ACKR3: variants seen among roughly 807,000 people sequenced by gnomAD.
The protein encoded by ACKR3 is atypical chemokine receptor 3, also known as C-X-C chemokine receptor type 7.
Under a neutral mutation model 22.4 loss-of-function variants are expected in ACKR3, and 6 were observed. That is an observed-to-expected ratio of 0.27 (90% CI 0.15 to 0.53). ACKR3 has a LOEUF of 0.53. Ranked by LOEUF, ACKR3 falls within the 20% of genes least tolerant of loss-of-function variation. ACKR3 has a pLI of 0.96. For synonymous variants in ACKR3, 209 were observed against 205.2 expected (o/e 1.02, Z -0.16); for missense variants, 396 against 475.2 (o/e 0.83, Z 1.55).
At chr2:236,552,406 T>C in the ACKR3 span, among the ~76,000 whole-genome samples, 1 of 138,654 alleles carries the variant, frequency 7.2e-6, no homozygotes, top group East Asian at 2.0e-4. Flanking sequence ...TAAGGGAAAC[T>C]GTCAACAGTC....
the ACKR3 span, among the ~76,000 whole-genome samples, chr2:236,557,253 C>CGTGTGTGT: frequency 0.021 from 2,900 of 139,952 alleles, 91 homozygotes; most frequent in African/African-American, 0.085. Flanking sequence ...TTCATGTGAA[C>CGTGTGTGT]GTATGTGTGT....
At chr2:236,560,193 T>G in the ACKR3 span, among the ~76,000 whole-genome samples, 1 of 152,184 alleles carries the variant, frequency 6.6e-6, no homozygotes, top group African/African-American at 2.4e-5. Flanking sequence ...TATATGGTAG[T>G]TCTATTTTTA....
At chr2:236,575,036 G>T (rs1165202963) in intron 1 of ACKR3, among the ~76,000 whole-genome samples, 2 of 152,098 alleles carry the variant, frequency 1.3e-5, no homozygotes, top group Non-Finnish European at 2.9e-5. Context: ...GAATGAATGA[G>T]ATAAAACAGA....
chr2:236,558,836 GA>G, the ACKR3 span, among the ~76,000 whole-genome samples: 10 of 152,038 alleles, frequency 6.6e-5, no homozygotes, highest in South Asian at 2.1e-4. Flanking sequence ...AAGTGGAAAC[GA>G]AAAAAATATA....
the ACKR3 span, among the ~76,000 whole-genome samples, chr2:236,560,613 T>C: frequency 1.3e-5 from 2 of 152,174 alleles, no homozygotes; most frequent in African/African-American, 4.8e-5. Context: ...TGCACATATT[T>C]CCCCCCATTC....
the ACKR3 span, among the ~76,000 whole-genome samples, chr2:236,554,015 G>A: frequency 1.3e-5 from 2 of 152,166 alleles, no homozygotes; most frequent in South Asian, 4.1e-4. Context: ...AGGTTCATGA[G>A]GACACAGTAC....
At chr2:236,566,086 C>T (rs954766803), upstream of ACKR3, among the ~76,000 whole-genome samples, 21 of 152,342 alleles carry the variant, frequency 1.4e-4, no homozygotes, top group African/African-American at 4.8e-4. Context: ...TACCGGCCGC[C>T]GCTCTGGCCC....
chr2:236,581,908 T>TTGG lies in ACKR3; in HGVS notation c.*357_*359dup, dbSNP rs1389450729. The TTGG allele has an allele frequency of 1.0e-5, 2 of 190,514 alleles. No individual in the cohort carries two copies. Among genetic ancestry groups the TTGG allele is most frequent in the Non-Finnish European group, 2.4e-5 (2 of 82,084 alleles). 11.8% of individuals were successfully genotyped at this position (190,514 alleles called of 1,614,324 possible). A position where few individuals can be genotyped will look rare whatever the true frequency, so the allele number is the denominator to read the frequency against. On this transcript the variant is annotated 3_prime_UTR_variant, in exon 2 of 2. Transcript: ENST00000272928. This position sits in a 1 kb window ranked among gnomAD's most constrained non-coding sequence, Gnocchi z 4.4. Reference sequence around the variant, plus strand: ...ATTTTAAGACTTTATTTTCTCACTATTGGTGTACCTTATAAATGTATTTGA... The same window carrying TTGG: ...ATTTTAAGACTTTATTTTCTCACTATTGGTGGTGTACCTTATAAATGTATTTGA...
At chr2:236,539,760 G>A in the ACKR3 span, among the ~76,000 whole-genome samples, 1 of 152,190 alleles carries the variant, frequency 6.6e-6, no homozygotes, top group Non-Finnish European at 1.5e-5. Flanking sequence ...CTGAGACTGG[G>A]TAATTTATAA....
the ACKR3 span, among the ~76,000 whole-genome samples, chr2:236,555,599 C>T: frequency 1.2e-3 from 178 of 152,190 alleles, 1 homozygote; most frequent in Middle Eastern, 0.01. Flanking sequence ...GAGGATGCAT[C>T]CAAGAGGAGA....
At chr2:236,550,463 A>G in the ACKR3 span, among the ~76,000 whole-genome samples, 3 of 152,192 alleles carry the variant, frequency 2.0e-5, no homozygotes, top group Non-Finnish European at 2.9e-5. The surrounding 1 kb of genome is among the most constrained non-coding windows in gnomAD (Gnocchi z 4.6). Flanking sequence ...ATACATGCTG[A>G]TTGATGGCAG....
chr2:236,573,721 T>A (rs1184040706), intron 1 of ACKR3, among the ~76,000 whole-genome samples: 11 of 152,204 alleles, frequency 7.2e-5, no homozygotes, highest in African/African-American at 2.2e-4. Flanking sequence ...TGCACCCAGC[T>A]ACCAGACCAC....
At chr2:236,551,290 C>T in the ACKR3 span, among the ~76,000 whole-genome samples, 1 of 152,220 alleles carries the variant, frequency 6.6e-6, no homozygotes, top group Non-Finnish European at 1.5e-5. Flanking sequence ...CCCCTCCTAC[C>T]CGGCCATTTG....
At chr2:236,565,179 TCCTCTCGTTTAATCCTGACAAGCAC>T (rs1294739236), upstream of ACKR3, among the ~76,000 whole-genome samples, 1 of 152,002 alleles carries the variant, frequency 6.6e-6, no homozygotes, top group Admixed American at 6.6e-5. Flanking sequence ...CTCATGTGCA[TCCTCTCGTTTAATCCTGACAAGCAC>T]CCAGCTAGAA....
upstream of ACKR3, among the ~76,000 whole-genome samples, chr2:236,566,774 C>T (rs1400901958): frequency 2.5e-5 from 2 of 79,638 alleles, no homozygotes; most frequent in African/African-American, 9.2e-5. Flanking sequence ...CTTTTCTTTG[C>T]TAGGGCCTGC....
intron 1 of ACKR3, among the ~76,000 whole-genome samples, chr2:236,575,382 G>T (rs1465696684): frequency 2.0e-5 from 3 of 151,130 alleles, no homozygotes; most frequent in Non-Finnish European, 4.4e-5. Context: ...AGCTGGGGTT[G>T]TGCTGTGTGT....
At chr2:236,568,797 G>T (rs979067053), upstream of ACKR3, among the ~76,000 whole-genome samples, 2 of 152,268 alleles carry the variant, frequency 1.3e-5, no homozygotes, top group Non-Finnish European at 2.9e-5. Context: ...AGTATAAAAA[G>T]AATCTCGAAA....
intron 1 of ACKR3, among the ~76,000 whole-genome samples, chr2:236,576,639 G>C (rs1691416188): frequency 6.6e-6 from 1 of 152,258 alleles, no homozygotes; most frequent in Admixed American, 6.5e-5. Context: ...AACCATCAGT[G>C]AATGGTGGTC....
the ACKR3 span, among the ~76,000 whole-genome samples, chr2:236,540,607 A>G: frequency 6.6e-6 from 1 of 152,146 alleles, no homozygotes; most frequent in Non-Finnish European, 1.5e-5. Flanking sequence ...TTATTTCCTT[A>G]TATAAGTTAT....
Sources: gnomAD v4.1 joint callset for allele counts (sites outside exome capture counted in the v4.1 genomes callset) on GRCh38, gnomAD v4.1.1 for gene constraint, Gnocchi (gnomAD v3.1) non-coding constraint, MANE v1.5 for transcripts, NCBI Gene and HGNC (gene_info 2026-07-23, HGNC 2026-07-21) for gene names.